The following ZDHHC13 variants were observed in gnomAD, a reference collection of about 807,000 sequenced individuals.
ZDHHC13 encodes the protein zDHHC palmitoyltransferase 13, also known as palmitoyltransferase ZDHHC13.
Under a neutral mutation model 86.0 loss-of-function variants are expected in ZDHHC13, and 85 were observed. That is an observed-to-expected ratio of 0.99 (90% CI 0.83 to 1.18). The LOEUF is 1.18. Among genes scored for constraint, ZDHHC13 ranks in the 50% most tolerant of loss-of-function variants. ZDHHC13 has a pLI of 0.00. For synonymous variants in ZDHHC13, 263 were observed against 246.4 expected (o/e 1.07, Z -0.63); for missense variants, 711 against 730.2 (o/e 0.97, Z 0.30).
At chr11:19,155,958 T>C in intron 9 of ZDHHC13, 29 bp downstream of exon 9, 1 of 1,575,028 alleles carries the variant, frequency 6.3e-7, no homozygotes, top group Non-Finnish European at 8.6e-7. Context: ...GCAAGGCTGG[T>C]TATTGTGTTT....
At chr11:19,154,029 T>C (rs1182351352) in intron 8 of ZDHHC13, among the ~76,000 whole-genome samples, 2 of 152,210 alleles carry the variant, frequency 1.3e-5, no homozygotes, top group Non-Finnish European at 2.9e-5. Context: ...ACTTATCAGC[T>C]CACATTCCTA....
At chr11:19,172,689 T>C in intron 15 of ZDHHC13, 34 bp from the exon 16 acceptor site, 1 of 1,506,756 alleles carries the variant, frequency 6.6e-7, no homozygotes, top group Non-Finnish European at 9.0e-7. Flanking sequence ...AGTTGCACAC[T>C]GAATGTGTGC....
intron 2 of ZDHHC13, among the ~76,000 whole-genome samples, 169 bp downstream of exon 2, chr11:19,143,292 C>G (rs1849373847): frequency 6.6e-6 from 1 of 152,186 alleles, no homozygotes; most frequent in Non-Finnish European, 1.5e-5. Flanking sequence ...GTACAGTGTA[C>G]CTGAGCTGTT....
At chr11:19,127,791 T>C (rs1848909521) in intron 1 of ZDHHC13, among the ~76,000 whole-genome samples, 1 of 152,220 alleles carries the variant, frequency 6.6e-6, no homozygotes, top group African/African-American at 2.4e-5. Flanking sequence ...GGCTTCCTAT[T>C]CTATTCCATT....
intron 12 of ZDHHC13, 110 bp downstream of exon 12, chr11:19,164,473 AC>A: frequency 9.6e-7 from 1 of 1,039,020 alleles, no homozygotes; most frequent in Non-Finnish European, 1.4e-6. Context: ...CTTTGTTTTT[AC>A]CCATTTCTAA....
intron 1 of ZDHHC13, among the ~76,000 whole-genome samples, chr11:19,121,199 C>T (rs560424363): frequency 1.3e-5 from 2 of 152,250 alleles, no homozygotes; most frequent in Admixed American, 1.3e-4. Flanking sequence ...TAGCAGAGCC[C>T]AGGTGTCAGG....
At position 19,175,209 on chromosome 11, in the gene ZDHHC13, A is replaced by T. The variant is rs193298770; in HGVS notation, c.1731-613A>T. On this transcript the variant is annotated intron_variant, in intron 16 of 16. Transcript: ENST00000446113. ...TGAGACCATCCTGGCTAACACGGTGAAACCCCGTCTCTACTAAAAAAATAC... is the reference window on the plus strand; with the variant it reads ...TGAGACCATCCTGGCTAACACGGTGTAACCCCGTCTCTACTAAAAAAATAC... 2.4e-3 allele frequency among the ~76,000 whole-genome samples: 364 copies of T among 151,800 alleles called. 4 individuals carry two copies. Among genetic ancestry groups the T allele is most frequent in the African/African-American group, 8.2e-3 (338 of 41,392 alleles).
chr11:19,126,336 CTTTTTCTTTT>C (rs1565018651), intron 1 of ZDHHC13, among the ~76,000 whole-genome samples: 1 of 86,598 alleles, frequency 1.2e-5, no homozygotes, highest in Non-Finnish European at 2.8e-5. Flanking sequence ...TTTTTCTTTT[CTTTTTCTTTT>C]TTTTTTTTGC....
intron 1 of ZDHHC13, among the ~76,000 whole-genome samples, chr11:19,129,127 C>T (rs1351731092): frequency 3.3e-5 from 5 of 152,122 alleles, no homozygotes; most frequent in Admixed American, 2.0e-4. Flanking sequence ...AGTATTTTAC[C>T]TTTTTGATGC....
In ZDHHC13 at chr11:19,155,835, G is replaced by A. The variant is rs761611605; in HGVS notation, c.913G>A (p.Ala305Thr). ...LLMLSVITMW[A>T]IGYILDFNSD... ...GATGCTTTCTGTGATTACCATGTGG[G>A]CTATTGGATACATATTGGACTTCAA... The change falls in exon 9 of 17, where the codon GCT becomes ACT. Residue 305 changes from alanine (A) to threonine (T), a missense_variant. Transcript: ENST00000446113. 6.2e-7 allele frequency: 1 copy of A among 1,612,866 alleles called. No homozygotes were observed. The highest frequency in any genetic ancestry group is 8.5e-7 in the Non-Finnish European group (1 of 1,179,706).
intron 5 of ZDHHC13, among the ~76,000 whole-genome samples, chr11:19,149,857 T>A (rs1590078014): frequency 6.6e-6 from 1 of 152,240 alleles, no homozygotes; most frequent in African/African-American, 2.4e-5. Flanking sequence ...TGTTTTCTGG[T>A]AGCAAAGTAG....
chr11:19,127,359 A>G (rs904145720), intron 1 of ZDHHC13, among the ~76,000 whole-genome samples: 2 of 152,224 alleles, frequency 1.3e-5, no homozygotes, highest in African/African-American at 4.8e-5. Flanking sequence ...GAACTTTGTC[A>G]GATGCATAGT....
chr11:19,143,248 C>T (rs1348274499), intron 2 of ZDHHC13, 125 bp downstream of exon 2: 2 of 1,034,778 alleles, frequency 1.9e-6, no homozygotes, highest in African/African-American at 1.6e-5. Flanking sequence ...ACACCAGCAC[C>T]AGTATATTTG....
intron 12 of ZDHHC13, 28 bp from the exon 13 acceptor site, chr11:19,165,022 TGC>T: frequency 6.3e-7 from 1 of 1,595,880 alleles, no homozygotes; most frequent in African/African-American, 1.3e-5. Flanking sequence ...CACTGGTTTT[TGC>T]TTAGGCCTCT....
chr11:19,142,679 G>A (rs572620377), intron 1 of ZDHHC13, among the ~76,000 whole-genome samples: 7 of 152,026 alleles, frequency 4.6e-5, no homozygotes, highest in East Asian at 1.9e-4. Context: ...GTAATAGTAA[G>A]CATCTTTTCT....
At chr11:19,121,213 C>T (rs527573913) in intron 1 of ZDHHC13, among the ~76,000 whole-genome samples, 1 of 152,188 alleles carries the variant, frequency 6.6e-6, no homozygotes, top group East Asian at 1.9e-4. Flanking sequence ...TGTCAGGGCT[C>T]CTGATGCAGT....
intron 1 of ZDHHC13, among the ~76,000 whole-genome samples, chr11:19,126,444 C>T (rs369780523): frequency 1.4e-5 from 2 of 146,528 alleles, no homozygotes; most frequent in East Asian, 4.0e-4. Flanking sequence ...TCAAGTGATT[C>T]TCCTGCCTCA....
chr11:19,139,290 A>T (rs568919180), intron 1 of ZDHHC13, among the ~76,000 whole-genome samples: 4 of 152,280 alleles, frequency 2.6e-5, no homozygotes, highest in African/African-American at 9.6e-5. Flanking sequence ...AGAGAGCCAA[A>T]TTATGAGTGA....
chr11:19,172,274 C>T (rs1244030036), intron 15 of ZDHHC13, among the ~76,000 whole-genome samples: 11 of 151,928 alleles, frequency 7.2e-5, no homozygotes, highest in South Asian at 6.2e-4. Context: ...GGTTTCACCA[C>T]GTTGGCCAGG....
Sources: allele counts gnomAD v4.1 joint callset (sites outside exome capture counted in the v4.1 genomes callset), GRCh38; gene constraint gnomAD v4.1.1; transcripts MANE v1.5; gene names NCBI Gene and HGNC (gene_info 2026-07-23, HGNC 2026-07-21).